TMEM62: variants seen among roughly 807,000 people sequenced by gnomAD.
The protein encoded by TMEM62 is transmembrane protein 62.
In TMEM62, 41 loss-of-function variants were observed where a neutral mutation model predicts 70.4. That is an observed-to-expected ratio of 0.58 (90% CI 0.45 to 0.76). The LOEUF (loss-of-function observed/expected upper bound fraction) is 0.76. TMEM62 is among the 30% of genes least tolerant of loss of function. TMEM62 has a pLI of 0.00. For missense variants in TMEM62, 688 were observed against 788.5 expected, an observed-to-expected ratio of 0.87 and a Z score of 1.53; for synonymous variants, 268 against 291.0, an observed-to-expected ratio of 0.92 and a Z score of 0.80.
At position 43,184,659 on chromosome 15, in the gene TMEM62, T is replaced by A; in HGVS notation, c.*73T>A. Reference sequence around the variant, plus strand: ...TCTGTAGCCCAGGCCTCTACCCCAGTAGCAGGTGGAGGGCCAGGATTGGTG... The same window carrying A: ...TCTGTAGCCCAGGCCTCTACCCCAGAAGCAGGTGGAGGGCCAGGATTGGTG... On this transcript the variant is annotated 3_prime_UTR_variant, in exon 14 of 14. Transcript: ENST00000260403. 7.2e-7 allele frequency: 1 copy of A among 1,380,130 alleles called. No individual in the cohort carries two copies. Among genetic ancestry groups the A allele is most frequent in the Non-Finnish European group, 9.9e-7 (1 of 1,009,794 alleles). The allele number at this position is 1,380,130 out of a possible 1,614,324, so 85.5% of individuals were successfully genotyped here.
At chr15:43,140,992 T>C (rs976801023) in intron 4 of TMEM62, among the ~76,000 whole-genome samples, 1 of 152,158 alleles carries the variant, frequency 6.6e-6, no homozygotes, top group African/African-American at 2.4e-5. Context: ...CAGTATCCTG[T>C]TTCCTCGGCT....
rs573862233 is a variant in TMEM62 at position 43,155,324 on chromosome 15, G to A, written c.1182+493G>A. On this transcript the variant is annotated intron_variant, in intron 9 of 13. Coordinates refer to ENST00000260403, the MANE Select transcript of TMEM62 (RefSeq NM_024956.4). ...CCAGCCAGGGCAACATAGTGAGACC[G>A]CATCTCAACAAAAAAATAAAAGTTA... Among the ~76,000 whole-genome samples the A allele has an allele frequency of 4.0e-5, 6 of 151,676 alleles. No homozygotes were observed. In the South Asian group the frequency reaches 8.4e-4, roughly 21 times the overall value.
chr15:43,165,319 C>G (rs1323091334), intron 10 of TMEM62, among the ~76,000 whole-genome samples: 2 of 151,168 alleles, frequency 1.3e-5, no homozygotes, highest in African/African-American at 4.9e-5. Context: ...ATTCTTTCTT[C>G]TATTTGATGA....
chr15:43,134,133 T>TG, intron 1 of TMEM62, 124 bp from the exon 2 acceptor site: 4 of 1,445,778 alleles, frequency 2.8e-6, no homozygotes, highest in Admixed American at 2.0e-5. Flanking sequence ...TGTCCTTACC[T>TG]GGGGGGTTCG....
rs191828453 is a variant in TMEM62, at chr15:43,169,562, C to G, written c.1297-31C>G. ...CTTAACTGAAAGTGTACCCATGTATCTATTTCACGTTAACATCTATTTCCC... is the reference window on the plus strand; with the variant it reads ...CTTAACTGAAAGTGTACCCATGTATGTATTTCACGTTAACATCTATTTCCC... On this transcript the variant is annotated intron_variant, in intron 10 of 13. Coordinates refer to ENST00000260403, the MANE Select transcript of TMEM62 (RefSeq NM_024956.4). The G allele has an allele frequency of 2.7e-5, 42 of 1,580,434 alleles. 1 individual carries two copies. In the African/African-American group the frequency reaches 4.9e-4, roughly 18 times the overall value.
intron 11 of TMEM62, among the ~76,000 whole-genome samples, chr15:43,175,579 A>G (rs2040636430): frequency 1.3e-5 from 2 of 152,174 alleles, no homozygotes; most frequent in Admixed American, 6.5e-5. Flanking sequence ...AAGCCCTTAC[A>G]CTTGGGCTTT....
At chr15:43,163,190 T>A (rs545886420) in intron 10 of TMEM62, among the ~76,000 whole-genome samples, 2,053 of 150,592 alleles carry the variant, frequency 0.014, 39 homozygotes, top group African/African-American at 0.047. Flanking sequence ...AAAATAAAAA[T>A]AAAAAAAAAG....
At chr15:43,160,127 C>G (rs1358628542) in intron 9 of TMEM62, among the ~76,000 whole-genome samples, 1 of 151,924 alleles carries the variant, frequency 6.6e-6, no homozygotes, top group African/African-American at 2.4e-5. Context: ...TATCACCATG[C>G]CTGGCTAATT....
chr15:43,138,736 G>A (rs117093529), intron 4 of TMEM62, 117 bp downstream of exon 4: 17,735 of 864,240 alleles, frequency 0.021, 280 homozygotes, highest in Middle Eastern at 0.034. Flanking sequence ...CAGGGGTCTC[G>A]CTATTTTGCC....
chr15:43,133,866 C>T lies in TMEM62; in HGVS notation c.64C>T (p.Leu22Phe), dbSNP rs1478370266. The change falls in exon 1 of 14, where the codon CTC becomes TTC. Residue 22 changes from leucine to phenylalanine, a missense_variant. Physicochemically the swap from Leu to Phe is conservative, Grantham distance 22. Transcript: ENST00000260403. Reference protein sequence around the residue: ...GLAAAALVAMLLEHYGLAGQP... With the variant: ...GLAAAALVAMFLEHYGLAGQP... ...GGCGGCCGCAGCGCTGGTGGCCATG[C>T]TCTTGGAGCACTACGGCCTGGCGGG... The T allele has an allele frequency of 2.7e-6, 4 of 1,494,492 alleles. No homozygotes were observed. The East Asian group carries it at 1.1e-4, about 41-fold the overall frequency. 92.6% of individuals were successfully genotyped at this position (1,494,492 alleles called of 1,614,324 possible). A position where few individuals can be genotyped will look rare whatever the true frequency, so the allele number is the denominator to read the frequency against.
At chr15:43,149,526 CAG>C (rs1005281706) in intron 7 of TMEM62, among the ~76,000 whole-genome samples, 4 of 145,282 alleles carry the variant, frequency 2.8e-5, no homozygotes, top group African/African-American at 1.0e-4. Context: ...TTTTTTGAGA[CAG>C]AGTCACGTTC....
chr15:43,149,610 T>C (rs542567740), intron 7 of TMEM62, among the ~76,000 whole-genome samples: 97 of 151,962 alleles, frequency 6.4e-4, no homozygotes, highest in Non-Finnish European at 9.6e-4. Context: ...TTAGTAGAGA[T>C]GGGGTTTCAC....
chr15:43,133,534 G>A, upstream of TMEM62: 2 of 330,074 alleles, frequency 6.1e-6, no homozygotes, highest in Non-Finnish European at 1.1e-5. Flanking sequence ...GGTGTTCAGA[G>A]TTTCGGTTCT....
intron 4 of TMEM62, among the ~76,000 whole-genome samples, chr15:43,143,708 A>C (rs2036340649): frequency 6.6e-6 from 1 of 152,228 alleles, no homozygotes; most frequent in Non-Finnish European, 1.5e-5. Flanking sequence ...TGTCATACAA[A>C]TATTAAAATA....
At chr15:43,160,342 G>A (rs2038546484) in intron 9 of TMEM62, 1 of 170,174 alleles carries the variant, frequency 5.9e-6, no homozygotes, top group African/African-American at 2.4e-5. Context: ...CTTGAGGCCA[G>A]GAGTTCAAGA....
intron 4 of TMEM62, among the ~76,000 whole-genome samples, chr15:43,139,126 C>A (rs1178326947): frequency 6.6e-6 from 1 of 152,200 alleles, no homozygotes; most frequent in African/African-American, 2.4e-5. Context: ...CTCTGTGTCT[C>A]ATTTTGGTAA....
chr15:43,172,870 C>T (rs770745902), intron 11 of TMEM62, among the ~76,000 whole-genome samples: 2 of 152,090 alleles, frequency 1.3e-5, no homozygotes, highest in African/African-American at 4.8e-5. Context: ...ACAGTTTTTA[C>T]CTTAAAAATC....
intron 13 of TMEM62, among the ~76,000 whole-genome samples, chr15:43,181,504 A>G (rs2041322942): frequency 6.6e-6 from 1 of 152,168 alleles, no homozygotes; most frequent in African/African-American, 2.4e-5. Flanking sequence ...AACATCTAAA[A>G]TACATTTTTT....
chr15:43,181,284 A>G lies in TMEM62; in HGVS notation c.1590A>G (p.Ile530Met). Reference protein sequence around the residue: ...GHFLQGSITFIIGILQLAFFN... With the variant: ...GHFLQGSITFMIGILQLAFFN... Reference sequence around the variant, plus strand: ...TCCTACAAGGCAGCATAACATTTATAATTGGAATTCTCCAGGTAAGAAGTC... The same window carrying G: ...TCCTACAAGGCAGCATAACATTTATGATTGGAATTCTCCAGGTAAGAAGTC... The change falls in exon 13 of 14, where the codon ATA becomes ATG. Residue 530 changes from isoleucine (I) to methionine (M), a missense_variant. By Grantham distance (10) the Ile-to-Met change is conservative. Transcript: ENST00000260403. 6.2e-7 allele frequency: 1 copy of G among 1,609,966 alleles called. No homozygotes were observed. The highest frequency in any genetic ancestry group is 8.5e-7 in the Non-Finnish European group (1 of 1,176,408).
Sources: gnomAD v4.1 joint callset for allele counts (sites outside exome capture counted in the v4.1 genomes callset) on GRCh38, gnomAD v4.1.1 for gene constraint, MANE v1.5 for transcripts, NCBI Gene and HGNC (gene_info 2026-07-23, HGNC 2026-07-21) for gene names.